Variants in ADAMTS7 observed in about 807,000 individuals in gnomAD.
The protein encoded by ADAMTS7 is A disintegrin and metalloproteinase with thrombospondin motifs 7.
A neutral mutation model predicts 172.6 loss-of-function variants in ADAMTS7; 89 were observed. The observed-to-expected ratio is 0.52, with a 90% CI of 0.43 to 0.61. The LOEUF (loss-of-function observed/expected upper bound fraction) is 0.61. Among genes scored for constraint, ADAMTS7 ranks in the 20% least tolerant of loss-of-function variants. ADAMTS7 has a pLI of 0.00. For missense variants in ADAMTS7, 1,973 were observed against 2,355.6 expected, an observed-to-expected ratio of 0.84 and a Z score of 3.36; for synonymous variants, 885 against 978.4, an observed-to-expected ratio of 0.90 and a Z score of 1.78.
chr15:78,761,764 G>A (rs1010828832), intron 23 of ADAMTS7, among the ~76,000 whole-genome samples: 4 of 152,002 alleles, frequency 2.6e-5, no homozygotes, highest in East Asian at 1.9e-4. Flanking sequence ...GTGTGTGCGC[G>A]CACGCACACA....
chr15:78,796,894 G>A (rs906958492), intron 3 of ADAMTS7, 108 bp from the exon 4 acceptor site: 1 of 1,043,438 alleles, frequency 9.6e-7, no homozygotes, highest in South Asian at 1.7e-5. Context: ...GAACCACACA[G>A]GGATCAGAGG....
rs1353717100 is a variant in ADAMTS7, at chr15:78,767,406, G to A, written c.2832C>T (p.Ala944=). The A allele has an allele frequency of 2.5e-6, 4 of 1,611,874 alleles. No homozygotes were observed. Among genetic ancestry groups the A allele is most frequent in the African/African-American group, 2.7e-5 (2 of 74,998 alleles). Residue 944 remains alanine (A), a synonymous_variant, in exon 18 of 24, where the codon GCC becomes GCT. Transcript: ENST00000388820. The part of the protein sequence containing the change: ...TPCNRHVPCP[A]TWAVGNWSQC... ...GAGACCAGTTCCCCACAGCCCAGGT[G>A]GCCGGACAGGGTACATGGCGGTTGC...
chr15:78,787,897 C>A (rs1396877582), intron 8 of ADAMTS7, among the ~76,000 whole-genome samples: 2 of 152,166 alleles, frequency 1.3e-5, no homozygotes, highest in African/African-American at 4.8e-5. Context: ...TTTACCGCTA[C>A]AGGCCTTTCT....
At chr15:78,769,146 T>C (rs1305491326) in intron 16 of ADAMTS7, among the ~76,000 whole-genome samples, 3 of 152,100 alleles carry the variant, frequency 2.0e-5, no homozygotes, top group Admixed American at 6.5e-5. Flanking sequence ...CTGCTCTCCA[T>C]CCCCACACCA....
intron 23 of ADAMTS7, chr15:78,762,060 C>G (rs2055053607): frequency 2.0e-6 from 2 of 985,324 alleles, no homozygotes; most frequent in Non-Finnish European, 2.4e-6. Flanking sequence ...AGGGACATCC[C>G]TGGTCTCACT....
intron 12 of ADAMTS7, 24 bp downstream of exon 12, chr15:78,774,600 G>C: frequency 6.2e-7 from 1 of 1,611,462 alleles, no homozygotes; most frequent in Non-Finnish European, 8.5e-7. Flanking sequence ...AAGCCTCAAT[G>C]TCTCCATGGG....
chr15:78,792,591 T>C (rs12903203), intron 4 of ADAMTS7, among the ~76,000 whole-genome samples: 47,596 of 152,166 alleles, frequency 0.31, 8,785 homozygotes, highest in Non-Finnish European at 0.43. Flanking sequence ...TGACCTCCCC[T>C]TGCCTCTGAG....
intron 8 of ADAMTS7, 141 bp downstream of exon 8, chr15:78,788,090 A>C: frequency 8.5e-7 from 1 of 1,177,986 alleles, no homozygotes; most frequent in Non-Finnish European, 1.2e-6. Flanking sequence ...CATCACCCCC[A>C]TTAGACCTTG....
At chr15:78,772,752 C>T (rs999349485) in intron 14 of ADAMTS7, among the ~76,000 whole-genome samples, 1 of 152,250 alleles carries the variant, frequency 6.6e-6, no homozygotes, top group Non-Finnish European at 1.5e-5. Context: ...GCAACGTGTG[C>T]AAAACAGACC....
chr15:78,798,047 G>A lies in ADAMTS7; in HGVS notation c.523C>T (p.Pro175Ser). Reference sequence around the variant, plus strand: ...ACCACATGGGGCTGGGCGTGGCCAGGCCGGGCCGGGGCACTGTCCAGGGGC... The same window carrying A: ...ACCACATGGGGCTGGGCGTGGCCAGACCGGGCCGGGGCACTGTCCAGGGGC... ...IEPLDSAPARPGHAQPHVVYK... is the reference protein window; with the variant it reads ...IEPLDSAPARSGHAQPHVVYK... The change falls in exon 3 of 24, where the codon CCT becomes TCT. Residue 175 changes from proline to serine, a missense_variant. This residue lies in a region of ADAMTS7 where 306 missense variants were observed against 288.0 expected (regional missense o/e 1.06). Transcript: ENST00000388820. 1 of 1,571,106 alleles carries A rather than the reference G, an allele frequency of 6.4e-7. No individual in the cohort carries two copies. The highest frequency in any genetic ancestry group is 8.6e-7 in the Non-Finnish European group (1 of 1,165,688).
intron 19 of ADAMTS7, 185 bp from the exon 20 acceptor site, chr15:78,764,892 G>A: frequency 1.7e-6 from 1 of 590,560 alleles, no homozygotes; most frequent in Admixed American, 3.6e-5. Context: ...AGAATGAAAA[G>A]TCAAATCCCC....
At chr15:78,803,292 C>G (rs915111935) in intron 1 of ADAMTS7, among the ~76,000 whole-genome samples, 1 of 151,426 alleles carries the variant, frequency 6.6e-6, no homozygotes, top group African/African-American at 2.4e-5. Context: ...CCCAGGAGGT[C>G]GAGGCTGCAG....
chr15:78,780,784 G>T (rs1284801471), intron 8 of ADAMTS7, among the ~76,000 whole-genome samples: 1 of 152,192 alleles, frequency 6.6e-6, no homozygotes, highest in African/African-American at 2.4e-5. Context: ...CTTCCTCGGC[G>T]TGGAAGCTGG....
chr15:78,807,154 A>C (rs1564500), intron 1 of ADAMTS7, among the ~76,000 whole-genome samples: 2,598 of 152,252 alleles, frequency 0.017, 53 homozygotes, highest in East Asian at 0.11. Context: ...GCTGAAGGTC[A>C]GGGGGGCACT....
At chr15:78,791,469 C>T (rs1474504239) in intron 4 of ADAMTS7, among the ~76,000 whole-genome samples, 1 of 152,216 alleles carries the variant, frequency 6.6e-6, no homozygotes, top group African/African-American at 2.4e-5. Context: ...GACAAGAGGC[C>T]TCCGAGGCCC....
chr15:78,777,813 A>G (rs1434381097), intron 8 of ADAMTS7, among the ~76,000 whole-genome samples: 3 of 152,080 alleles, frequency 2.0e-5, no homozygotes, highest in Non-Finnish European at 4.4e-5. Context: ...AGCTGGCTAA[A>G]CAATCCCAAC....
intron 23 of ADAMTS7, among the ~76,000 whole-genome samples, chr15:78,761,726 C>CTGTG (rs140458786): frequency 6.6e-6 from 1 of 151,634 alleles, no homozygotes; most frequent in African/African-American, 2.4e-5. Flanking sequence ...AAGTGTATGA[C>CTGTG]TGTGTGTGTG....
chr15:78,759,238 CATA>C lies in ADAMTS7; in HGVS notation c.*180_*182del, dbSNP rs1485969909. On this transcript the variant is annotated 3_prime_UTR_variant, in exon 24 of 24. Transcript: ENST00000388820. ...TGGTAGATGCTCATTTATGTAAAAT[CATA>C]ATAAATGTTACACAAACTGTTAGAA... 1.4e-5 allele frequency: 7 copies of C among 504,344 alleles called. No individual in the cohort carries two copies. The Admixed American group carries it at 2.0e-4, about 14-fold the overall frequency. 31.2% of individuals were successfully genotyped at this position (504,344 alleles called of 1,614,324 possible).
At chr15:78,787,118 C>T (rs1479787290) in intron 8 of ADAMTS7, among the ~76,000 whole-genome samples, 1 of 152,048 alleles carries the variant, frequency 6.6e-6, no homozygotes, top group African/African-American at 2.4e-5. Context: ...ATCAGTAAGG[C>T]TTCCAGTCAA....
Sources: gnomAD v4.1 joint callset for allele counts (sites outside exome capture counted in the v4.1 genomes callset) on GRCh38, gnomAD v4.1.1 for gene constraint, gnomAD v4.1.1 regional missense constraint, MANE v1.5 for transcripts, NCBI Gene and HGNC (gene_info 2026-07-23, HGNC 2026-07-21) for gene names.